Variants in ADCY4 observed in about 807,000 individuals in gnomAD.
ADCY4 encodes the protein adenylate cyclase 4.
ADCY4 carries 111 observed loss-of-function variants against 125.5 expected under a neutral mutation model. That is an observed-to-expected ratio of 0.88 (90% confidence interval 0.76 to 1.04). The LOEUF is 1.04. Among genes scored for constraint, ADCY4 ranks in the 50% least tolerant of loss-of-function variants. The pLI is 0.00. For missense variants in ADCY4, 1,256 were observed against 1,382.9 expected, an observed-to-expected ratio of 0.91 and a Z score of 1.46; for synonymous variants, 576 against 586.9, an observed-to-expected ratio of 0.98 and a Z score of 0.27.
rs1420115744 is a variant in ADCY4, at chr14:24,329,486, T to C, written c.1265A>G (p.Tyr422Cys). The C allele has an allele frequency of 1.9e-6, 3 of 1,572,326 alleles. No individual in the cohort carries two copies. Among genetic ancestry groups the C allele is most frequent in the Non-Finnish European group, 1.7e-6 (2 of 1,162,502 alleles). Residue 422 changes from tyrosine (Y) to cysteine (C), a missense_variant, in exon 9 of 25, where the codon TAT becomes TGT. Coordinates refer to ENST00000418030, the MANE Select transcript of ADCY4 (RefSeq NM_001198568.2). Reference sequence around the variant, plus strand: ...CTCCATGCCTGCGTCCTCCACAGCATAAGCCCCTGCCAGCAGGGCCAGGGT... The same window carrying C: ...CTCCATGCCTGCGTCCTCCACAGCACAAGCCCCTGCCAGCAGGGCCAGGGT... ...GATLALLAGA[Y>C]AVEDAGMEHR... is the part of the protein sequence containing the mutation.
At position 24,323,400 on chromosome 14, in the gene ADCY4, T is replaced by G. The variant is rs1295053387; in HGVS notation, c.2101A>C (p.Met701Leu). The change falls in exon 17 of 25, where the codon ATG becomes CTG. Residue 701 changes from methionine (M) to leucine (L), a missense_variant. Coordinates refer to ENST00000418030, the MANE Select transcript of ADCY4 (RefSeq NM_001198568.2). ...AGCTCCCAGGAGAGGTTGGAAATCATGGAGGACACATTGGGAGCTTGGAAA... is the reference window on the plus strand; with the variant it reads ...AGCTCCCAGGAGAGGTTGGAAATCAGGGAGGACACATTGGGAGCTTGGAAA... ...CPFQAPNVSS[M>L]ISNLSWELPG... 5 of 1,557,648 alleles carry G rather than the reference T, an allele frequency of 3.2e-6. No homozygotes were observed. The highest frequency in any genetic ancestry group is 4.3e-6 in the Non-Finnish European group (5 of 1,149,710).
In ADCY4 at chr14:24,329,481, C is replaced by T; in HGVS notation, c.1270G>A (p.Val424Met). ...TLALLAGAYA[V>M]EDAGMEHRDP... is the part of the protein sequence containing the mutation. ...CGATGCTCCATGCCTGCGTCCTCCA[C>T]AGCATAAGCCCCTGCCAGCAGGGCC... Residue 424 changes from valine (V) to methionine (M), a missense_variant, in exon 9 of 25, where the codon GTG becomes ATG. Val to Met is a conservative substitution (Grantham distance 21). Coordinates refer to ENST00000418030, the MANE Select transcript of ADCY4 (RefSeq NM_001198568.2). The T allele has an allele frequency of 1.3e-6, 2 of 1,573,640 alleles. No individual in the cohort carries two copies. Among genetic ancestry groups the T allele is most frequent in the African/African-American group, 1.4e-5 (1 of 73,080 alleles).
At position 24,331,201 on chromosome 14, in the gene ADCY4, C is replaced by T. The variant is rs373312505; in HGVS notation, c.818+7G>A. ...GGCCCCTCCCCTCCAGCCATTCTTC[C>T]TCATACCTGACTCCCTGGTGCCTCT... On this transcript the variant is annotated splice_region_variant and intron_variant, in intron 5 of 24. Transcript: ENST00000418030. 6.6e-5 allele frequency: 107 copies of T among 1,614,068 alleles called. No homozygotes were observed. Among genetic ancestry groups the T allele is most frequent in the Non-Finnish European group, 8.2e-5 (97 of 1,180,030 alleles).
chr14:24,320,498 G>A (rs1195466420), intron 20 of ADCY4, among the ~76,000 whole-genome samples: 5 of 152,164 alleles, frequency 3.3e-5, no homozygotes, highest in Admixed American at 2.6e-4. Context: ...GAAGAAACCA[G>A]AAAAGAACTA....
At position 24,319,025 on chromosome 14, in the gene ADCY4, A is replaced by G; in HGVS notation, c.2956+73T>C. 6.4e-7 allele frequency: 1 copy of G among 1,558,132 alleles called. No individual in the cohort carries two copies. On this transcript the variant is annotated intron_variant, in intron 23 of 24. Coordinates refer to ENST00000418030, the MANE Select transcript of ADCY4 (RefSeq NM_001198568.2). The surrounding 1 kb of genome is among the most constrained non-coding windows in gnomAD (Gnocchi z 4.5). ...TCAGGATGAACTGGGAGCAGCTAACAAAGGACTTGGAGTGGGGCAAGCTCA... is the reference window on the plus strand; with the variant it reads ...TCAGGATGAACTGGGAGCAGCTAACGAAGGACTTGGAGTGGGGCAAGCTCA...
rs968761459 is a variant in ADCY4 at position 24,334,988 on chromosome 14, C to T, written c.-336G>A. On this transcript the variant is annotated 5_prime_UTR_variant, in exon 1 of 25. Transcript: ENST00000418030. Reference sequence around the variant, plus strand: ...TCCCCTGATCCCCGAACTCACTGCCCGCGGCGCTGGCGCAGCGGAGTGGGC... The same window carrying T: ...TCCCCTGATCCCCGAACTCACTGCCTGCGGCGCTGGCGCAGCGGAGTGGGC... The T allele has an allele frequency of 4.9e-6, 1 of 204,260 alleles. No individual in the cohort carries two copies. Among genetic ancestry groups the T allele is most frequent in the African/African-American group, 2.3e-5 (1 of 43,302 alleles). The allele number at this position is 204,260 out of a possible 1,614,324, so 12.7% of individuals were successfully genotyped here.
intron 1 of ADCY4, among the ~76,000 whole-genome samples, chr14:24,334,107 G>A (rs2042094545): frequency 6.6e-6 from 1 of 152,184 alleles, no homozygotes; most frequent in Non-Finnish European, 1.5e-5. Context: ...TGCCTTCTGG[G>A]AGTCTGTGGG....
At chr14:24,322,798 T>C in intron 18 of ADCY4, 90 bp from the exon 19 acceptor site, 2 of 1,548,634 alleles carry the variant, frequency 1.3e-6, no homozygotes, top group Non-Finnish European at 1.8e-6. Context: ...TCCCTCCCAC[T>C]TTGCCCTGTG....
At chr14:24,322,596 C>A (rs2041869745) in intron 19 of ADCY4, 28 bp downstream of exon 19, 1 of 1,611,590 alleles carries the variant, frequency 6.2e-7, no homozygotes, top group Admixed American at 1.7e-5. Context: ...ATAGGTGGGC[C>A]CTGGTGGGGC....
chr14:24,328,353 T>G (rs969411739), intron 10 of ADCY4, among the ~76,000 whole-genome samples: 3 of 152,168 alleles, frequency 2.0e-5, no homozygotes. Context: ...ACCGTCTCCC[T>G]GTGATGCTGT....
At position 24,325,456 on chromosome 14, in the gene ADCY4, G is replaced by A. The variant is rs1462315626; in HGVS notation, c.1744C>T (p.Pro582Ser). The change falls in exon 14 of 25, where the codon CCC becomes TCC. Residue 582 changes from proline (P) to serine (S), a missense_variant. Coordinates refer to ENST00000418030, the MANE Select transcript of ADCY4 (RefSeq NM_001198568.2). ...CAGGCTTCATAGTATTTGAAGGCGG[G>A]GATTGCAGAGAGTCGGTACTGAAAG... is the stretch of plus-strand genomic sequence containing the variant. ...MEKEYRLSAIPAFKYYEACTF... is the reference protein window; with the variant it reads ...MEKEYRLSAISAFKYYEACTF... 2.5e-6 allele frequency: 4 copies of A among 1,613,682 alleles called. No individual in the cohort carries two copies. The highest frequency in any genetic ancestry group is 3.4e-6 in the Non-Finnish European group (4 of 1,179,942).
At chr14:24,323,890 G>T (rs2041897285) in intron 16 of ADCY4, among the ~76,000 whole-genome samples, 172 bp downstream of exon 16, 1 of 152,238 alleles carries the variant, frequency 6.6e-6, no homozygotes, top group Non-Finnish European at 1.5e-5. Flanking sequence ...CAACTATTAT[G>T]CCCAGATGGT....
chr14:24,319,732 G>T lies in ADCY4; in HGVS notation c.2733+10C>A, dbSNP rs2332321. ...GGACATAGGGTCTGGGAGACTCTTG[G>T]AATTTTCACCTCATCAAAATCAGCA... is the stretch of plus-strand genomic sequence containing the variant. On this transcript the variant is annotated intron_variant, in intron 21 of 24. Transcript: ENST00000418030. This position sits in a 1 kb window ranked among gnomAD's most constrained non-coding sequence, Gnocchi z 4.5. 128 of 1,614,016 alleles carry T rather than the reference G, an allele frequency of 7.9e-5. No homozygotes were observed. The highest frequency in any genetic ancestry group is 6.9e-5 in the Non-Finnish European group (82 of 1,180,014).
chr14:24,329,117 G>A lies in ADCY4; in HGVS notation c.1468C>T (p.Pro490Ser). 6.2e-7 allele frequency: 1 copy of A among 1,613,984 alleles called. No homozygotes were observed. Among genetic ancestry groups the A allele is most frequent in the Non-Finnish European group, 8.5e-7 (1 of 1,179,936 alleles). The change falls in exon 10 of 25, where the codon CCT becomes TCT. Residue 490 changes from proline to serine, a missense_variant. Physicochemically the swap from Pro to Ser is moderately conservative, Grantham distance 74. Coordinates refer to ENST00000418030, the MANE Select transcript of ADCY4 (RefSeq NM_001198568.2). ...TCTCCGTGGCTCAGGTGGGCAAAAG[G>A]CTTGGCTGCGCCCCAGGACTCCAGG... is the stretch of plus-strand genomic sequence containing the variant. ...RYLESWGAAKPFAHLSHGDSP... is the reference protein window; with the variant it reads ...RYLESWGAAKSFAHLSHGDSP...
intron 20 of ADCY4, chr14:24,321,611 T>G (rs2041853090): frequency 5.9e-6 from 1 of 170,916 alleles, no homozygotes. Context: ...CTAGACCCCT[T>G]GCATGTGCAG....
At chr14:24,327,455 G>A (rs117006792) in intron 10 of ADCY4, among the ~76,000 whole-genome samples, 1,702 of 152,220 alleles carry the variant, frequency 0.011, 21 homozygotes, top group Non-Finnish European at 0.019. Context: ...CTCCACCCAT[G>A]CTGGAGGTCT....
At chr14:24,333,017 T>A (rs909818470) in intron 1 of ADCY4, 29 bp from the exon 2 acceptor site, 76 of 1,497,466 alleles carry the variant, frequency 5.1e-5, no homozygotes, top group Non-Finnish European at 6.0e-5. Context: ...GAGGCAAGAT[T>A]GTGACAGGGA....
Position 24,334,515 on chromosome 14 carries a change from T to G in ADCY4, c.138A>C (p.Ala46=), listed in dbSNP as rs1231204252. The G allele has an allele frequency of 4.4e-6, 7 of 1,581,958 alleles. No homozygotes were observed. Residue 46 remains alanine, a synonymous_variant, in exon 1 of 25, where the codon GCA becomes GCC. Coordinates refer to ENST00000418030, the MANE Select transcript of ADCY4 (RefSeq NM_001198568.2). ...TCACCCTGCCGCTGGCCCAGGCCAC[T>G]GCGAGCAGCGCCGCGAGCGCACAGA... ...IVLCALAALL[A]VAWASGRELT... is the part of the protein sequence containing the mutation.
intron 8 of ADCY4, 51 bp downstream of exon 8, chr14:24,329,809 G>T (rs1412901085): frequency 3.2e-6 from 5 of 1,587,090 alleles, no homozygotes; most frequent in Non-Finnish European, 4.3e-6. Flanking sequence ...GGCAGCCTGT[G>T]GTAGGCCTGG....
Sources: gnomAD v4.1 joint callset for allele counts (sites outside exome capture counted in the v4.1 genomes callset) on GRCh38, gnomAD v4.1.1 for gene constraint, Gnocchi (gnomAD v3.1) non-coding constraint, MANE v1.5 for transcripts, NCBI Gene and HGNC (gene_info 2026-07-23, HGNC 2026-07-21) for gene names.